The following ASTN2 variants were observed in gnomAD, a reference collection of about 807,000 sequenced individuals.
ASTN2 encodes the protein astrotactin 2, also known as astrotactin-2.
In ASTN2, 54 loss-of-function variants were observed where a neutral mutation model predicts 139.8. The observed-to-expected ratio is 0.39, with a 90% CI of 0.31 to 0.48. The LOEUF (loss-of-function observed/expected upper bound fraction) is 0.48, where lower values mean the gene tolerates loss of function less well. ASTN2 is among the 20% of genes least tolerant of loss of function. The pLI, the probability that ASTN2 is intolerant of heterozygous loss-of-function variation, is 0.95. For synonymous variants in ASTN2, 756 were observed against 719.5 expected (o/e 1.05, Z -0.81); for missense variants, 1,565 against 1,725.1 (o/e 0.91, Z 1.64).
chr9:116,976,736 G>A lies in ASTN2; in HGVS notation c.1641C>T (p.His547=), dbSNP rs10983437. 0.11 allele frequency: 185,044 copies of A among 1,613,662 alleles called. 12,068 individuals carry two copies. Among genetic ancestry groups the A allele is most frequent in the African/African-American group, 0.25 (18,438 of 74,952 alleles). Residue 547 remains histidine (H), a synonymous_variant, in exon 8 of 23, where the codon CAC becomes CAT. Coordinates refer to ENST00000313400, the MANE Select transcript of ASTN2 (RefSeq NM_001365068.1). ...GTCCCCAGTCACTGCGCACACACAG[G>A]TGTCTGTGAACAGGGTCAGGGGCAT... ...EGYAPDPVHR[H]LCVRSDWGQS...
At chr9:116,596,953 A>G (rs1854606948) in intron 19 of ASTN2, among the ~76,000 whole-genome samples, 1 of 152,160 alleles carries the variant, frequency 6.6e-6, no homozygotes, top group African/African-American at 2.4e-5. Flanking sequence ...ATGAGAAAGT[A>G]GGCTAGTGTT....
chr9:117,298,402 A>G (rs1417366869), intron 1 of ASTN2, among the ~76,000 whole-genome samples: 1 of 152,124 alleles, frequency 6.6e-6, no homozygotes, highest in East Asian at 1.9e-4. Context: ...TTTGCATCCC[A>G]GGTCCCATGT....
At chr9:116,995,534 A>G (rs1836989800) in intron 7 of ASTN2, among the ~76,000 whole-genome samples, 1 of 152,234 alleles carries the variant, frequency 6.6e-6, no homozygotes, top group African/African-American at 2.4e-5. Flanking sequence ...TAATGCAGAC[A>G]CAATCTTTGC....
intron 13 of ASTN2, among the ~76,000 whole-genome samples, chr9:116,793,656 GA>G (rs1212985394): frequency 6.6e-6 from 1 of 152,130 alleles, no homozygotes. Flanking sequence ...TTGAGGTCCA[GA>G]AAAAACAGAA....
chr9:116,898,161 C>G (rs2132399481), intron 10 of ASTN2, among the ~76,000 whole-genome samples: 1 of 152,200 alleles, frequency 6.6e-6, no homozygotes, highest in African/African-American at 2.4e-5. Context: ...AATCCCAGCA[C>G]TTTGGGAGGC....
chr9:116,733,646 G>A, intron 13 of ASTN2, 123 bp from the exon 14 acceptor site: 1 of 1,282,456 alleles, frequency 7.8e-7, no homozygotes, highest in Non-Finnish European at 1.1e-6. Context: ...TTGCTGTAAT[G>A]CCTCTGGTTT....
intron 7 of ASTN2, among the ~76,000 whole-genome samples, chr9:116,980,966 C>T (rs1836495925): frequency 6.6e-6 from 1 of 152,074 alleles, no homozygotes; most frequent in South Asian, 2.1e-4. Flanking sequence ...ACTGTGAACT[C>T]CTGTATAGGG....
intron 5 of ASTN2, among the ~76,000 whole-genome samples, chr9:117,042,280 C>T (rs567906240): frequency 1.3e-5 from 2 of 152,242 alleles, no homozygotes; most frequent in South Asian, 4.1e-4. Flanking sequence ...ATCTATTTTT[C>T]TTAATAAACA....
chr9:117,001,625 C>T (rs1390964237), intron 7 of ASTN2, among the ~76,000 whole-genome samples: 1 of 152,136 alleles, frequency 6.6e-6, no homozygotes, highest in African/African-American at 2.4e-5. Context: ...ATAAACTTTT[C>T]TGTTTTTCAA....
intron 19 of ASTN2, among the ~76,000 whole-genome samples, chr9:116,617,489 C>G (rs570039751): frequency 1.3e-5 from 2 of 152,192 alleles, no homozygotes; most frequent in East Asian, 3.9e-4. Context: ...CTTTAAATAG[C>G]CAAGTCTTGG....
intron 1 of ASTN2, among the ~76,000 whole-genome samples, chr9:117,312,509 A>G (rs1374256991): frequency 5.3e-5 from 8 of 152,222 alleles, no homozygotes; most frequent in Non-Finnish European, 4.4e-5. Flanking sequence ...AAGTGATATT[A>G]GTTTTCCAAT....
rs1039679110 is a variant in ASTN2, at chr9:116,471,368, CAGAA to C, written c.3497+15987_3497+15990del. On this transcript the variant is annotated intron_variant, in intron 20 of 22. Coordinates refer to ENST00000313400, the MANE Select transcript of ASTN2 (RefSeq NM_001365068.1). ...CTTGTTTTAATCTGTGAATGTTTCC[CAGAA>C]AGAAATAGTAACTTCTTTTTCTGGC... 2.0e-5 allele frequency among the ~76,000 whole-genome samples: 3 copies of C among 152,242 alleles called. No homozygotes were observed. The East Asian group carries it at 5.8e-4, about 29-fold the overall frequency.
At chr9:116,844,962 G>GATTGCTGTT (rs572215892) in intron 11 of ASTN2, among the ~76,000 whole-genome samples, 1 of 152,214 alleles carries the variant, frequency 6.6e-6, no homozygotes, top group East Asian at 1.9e-4. Flanking sequence ...ACTTCTATGA[G>GATTGCTGTT]ATTGCTGTTA....
chr9:117,150,837 T>G (rs1488804763), intron 3 of ASTN2, among the ~76,000 whole-genome samples: 1 of 152,070 alleles, frequency 6.6e-6, no homozygotes, highest in Admixed American at 6.6e-5. Flanking sequence ...ACTGGGACTA[T>G]AGGTGCATAT....
At chr9:116,445,845 A>G (rs1489781163) in intron 20 of ASTN2, among the ~76,000 whole-genome samples, 1 of 152,218 alleles carries the variant, frequency 6.6e-6, no homozygotes, top group Non-Finnish European at 1.5e-5. Context: ...TTTTGTTATT[A>G]TAGTAACCAA....
chr9:116,623,659 A>T lies in ASTN2; in HGVS notation c.3073-3216T>A, dbSNP rs185460402. 2.5e-3 allele frequency among the ~76,000 whole-genome samples: 382 copies of T among 152,334 alleles called. 2 individuals carry two copies. Among genetic ancestry groups the T allele is most frequent in the African/African-American group, 8.7e-3 (363 of 41,568 alleles). On this transcript the variant is annotated intron_variant, in intron 17 of 22. Coordinates refer to ENST00000313400, the MANE Select transcript of ASTN2 (RefSeq NM_001365068.1). ...CCAGAGATGCTAGTTTGCTGGACCA[A>T]GGTGATAGAACAACTTCACGATGAA...
At chr9:116,859,732 G>A (rs994530767) in intron 11 of ASTN2, among the ~76,000 whole-genome samples, 4 of 152,352 alleles carry the variant, frequency 2.6e-5, no homozygotes, top group Admixed American at 1.3e-4. Context: ...AGAATATCAG[G>A]TGGGTTTGAG....
intron 1 of ASTN2, among the ~76,000 whole-genome samples, chr9:117,302,161 T>G (rs1834893037): frequency 6.6e-6 from 1 of 152,090 alleles, no homozygotes; most frequent in Non-Finnish European, 1.5e-5. Context: ...TAAAACTTCC[T>G]ACTTTACTTG....
intron 3 of ASTN2, among the ~76,000 whole-genome samples, chr9:117,162,744 G>A (rs1830581740): frequency 6.6e-6 from 1 of 152,050 alleles, no homozygotes; most frequent in Admixed American, 6.6e-5. Context: ...TCATTACATT[G>A]TAAGGCCTAT....
Sources: allele counts gnomAD v4.1 joint callset (sites outside exome capture counted in the v4.1 genomes callset), GRCh38; gene constraint gnomAD v4.1.1; transcripts MANE v1.5; gene names NCBI Gene and HGNC (gene_info 2026-07-23, HGNC 2026-07-21).